Variants in RNF169 observed in about 807,000 individuals in gnomAD.
RNF169 encodes E3 ubiquitin-protein ligase RNF169.
RNF169 carries 24 observed loss-of-function variants against 53.9 expected under a neutral mutation model. The ratio of observed to expected loss-of-function variants is 0.45; its 90% CI spans 0.32 to 0.63. The LOEUF (loss-of-function observed/expected upper bound fraction) is 0.63. RNF169 is among the 20% of genes least tolerant of loss of function. RNF169 has a pLI of 0.04. For missense variants in RNF169, 883 were observed against 906.2 expected, an observed-to-expected ratio of 0.97 and a Z score of 0.33; for synonymous variants, 396 against 363.5, an observed-to-expected ratio of 1.09 and a Z score of -1.02.
intron 4 of RNF169, among the ~76,000 whole-genome samples, chr11:74,821,943 T>G (rs2036017380): frequency 6.6e-6 from 1 of 152,094 alleles, no homozygotes; most frequent in Non-Finnish European, 1.5e-5. Context: ...TAACAAAATA[T>G]TACCAACTTC....
At chr11:74,771,690 C>A (rs2035262883) in intron 1 of RNF169, among the ~76,000 whole-genome samples, 1 of 151,938 alleles carries the variant, frequency 6.6e-6, no homozygotes, top group Admixed American at 6.6e-5. Flanking sequence ...GGTGACAGGG[C>A]AAGACTTTGT....
At chr11:74,780,988 C>G (rs951410070) in intron 1 of RNF169, among the ~76,000 whole-genome samples, 2 of 152,254 alleles carry the variant, frequency 1.3e-5, no homozygotes, top group African/African-American at 4.8e-5. Flanking sequence ...TCTCCACCTA[C>G]TTCCCCGCTA....
At chr11:74,769,601 A>C (rs1486166419) in intron 1 of RNF169, among the ~76,000 whole-genome samples, 1 of 152,250 alleles carries the variant, frequency 6.6e-6, no homozygotes, top group Non-Finnish European at 1.5e-5. Context: ...GGGATAAATT[A>C]GTTTCTACAG....
rs532973948 is a variant in RNF169, at chr11:74,756,052, T to A, written c.502+6670T>A. On this transcript the variant is annotated intron_variant, in intron 1 of 5. Transcript: ENST00000299563. ...GTCGTTAGGGGACTGTTTTAGTAGTTCAGGCAAGCGACGAAGAGGGCCTGG... is the reference window on the plus strand; with the variant it reads ...GTCGTTAGGGGACTGTTTTAGTAGTACAGGCAAGCGACGAAGAGGGCCTGG... 5.9e-5 allele frequency among the ~76,000 whole-genome samples: 9 copies of A among 152,202 alleles called. No individual in the cohort carries two copies. The East Asian group carries it at 1.7e-3, about 29-fold the overall frequency.
In RNF169 at chr11:74,835,722, C is replaced by T. The variant is rs1376729181; in HGVS notation, c.1119C>T (p.Asp373=). 3 of 1,614,218 alleles carry T rather than the reference C, an allele frequency of 1.9e-6. No homozygotes were observed. The highest frequency in any genetic ancestry group is 1.7e-5 in the Admixed American group (1 of 60,028). ...GTTCTGTCAGCCCTGAGAGCAATGA[C>T]AGCATCTCCGAAGAACTAAACCATT... ...PERSVSPESN[D]SISEELNHFK... is the part of the protein sequence containing the mutation. Residue 373 remains aspartate (D), a synonymous_variant, in exon 6 of 6, where the codon GAC becomes GAT. Coordinates refer to ENST00000299563, the MANE Select transcript of RNF169 (RefSeq NM_001098638.2).
chr11:74,837,358 G>A lies in RNF169; in HGVS notation c.*628G>A, dbSNP rs1487693775. 2 of 152,270 alleles carry A rather than the reference G, an allele frequency of 1.3e-5. No homozygotes were observed. The highest frequency in any genetic ancestry group is 2.4e-5 in the African/African-American group (1 of 41,448). The allele number at this position is 152,270 out of a possible 1,614,324, so 9.4% of individuals were successfully genotyped here. ...TTAGTCTTTCCAAGAGACCTCTCAT[G>A]TAACTGGCATTAGCCCCATTTTTAG... On this transcript the variant is annotated 3_prime_UTR_variant, in exon 6 of 6. Coordinates refer to ENST00000299563, the MANE Select transcript of RNF169 (RefSeq NM_001098638.2).
intron 1 of RNF169, among the ~76,000 whole-genome samples, chr11:74,752,774 T>C (rs1371598556): frequency 6.6e-6 from 1 of 152,220 alleles, no homozygotes; most frequent in Non-Finnish European, 1.5e-5. Context: ...CACAGCAGTA[T>C]GTTGTATGGA....
In RNF169 at chr11:74,838,660, A is replaced by T. The variant is rs554661969; in HGVS notation, c.*1930A>T. ...GCAGATGTATGTTTTAAAAACATTT[A>T]CCAAACTCATGATTTTGTAGTCACA... On this transcript the variant is annotated 3_prime_UTR_variant, in exon 6 of 6. Coordinates refer to ENST00000299563, the MANE Select transcript of RNF169 (RefSeq NM_001098638.2). 6.6e-6 allele frequency: 1 copy of T among 152,308 alleles called. No individual in the cohort carries two copies. The allele number at this position is 152,308 out of a possible 1,614,324, so 9.4% of individuals were successfully genotyped here. A position where few individuals can be genotyped will look rare whatever the true frequency, so the allele number is the denominator to read the frequency against.
Position 74,838,206 on chromosome 11 carries a change from C to G in RNF169, c.*1476C>G, listed in dbSNP as rs983537991. On this transcript the variant is annotated 3_prime_UTR_variant, in exon 6 of 6. Coordinates refer to ENST00000299563, the MANE Select transcript of RNF169 (RefSeq NM_001098638.2). ...TCTATTCCAGCCTCCTCCTAAGGTC[C>G]TCCTCAGCTTCTAGACCTAGAAGCC... is the stretch of plus-strand genomic sequence containing the variant. 2 of 152,190 alleles carry G rather than the reference C, an allele frequency of 1.3e-5. No homozygotes were observed. The highest frequency in any genetic ancestry group is 6.5e-5 in the Admixed American group (1 of 15,276). 9.4% of individuals were successfully genotyped at this position (152,190 alleles called of 1,614,324 possible).
At chr11:74,813,972 G>C (rs907886948) in intron 3 of RNF169, among the ~76,000 whole-genome samples, 1 of 152,206 alleles carries the variant, frequency 6.6e-6, no homozygotes, top group East Asian at 1.9e-4. Flanking sequence ...TTACAGGCAT[G>C]AGCCACTGCG....
intron 1 of RNF169, among the ~76,000 whole-genome samples, chr11:74,785,894 G>GTAATATAT (rs2035493170): frequency 6.7e-6 from 1 of 149,472 alleles, no homozygotes; most frequent in African/African-American, 2.5e-5. Flanking sequence ...AACTTTTCAT[G>GTAATATAT]TAATATATGT....
At chr11:74,801,833 T>C (rs1311159696) in intron 2 of RNF169, among the ~76,000 whole-genome samples, 1 of 152,222 alleles carries the variant, frequency 6.6e-6, no homozygotes. Context: ...GTTAGATTTT[T>C]AAAAATACGT....
In RNF169 at chr11:74,835,863, G is replaced by A. The variant is rs776718377; in HGVS notation, c.1260G>A (p.Lys420=). ...TPRNLNRSLQ[K]QTSYEASPRI... ...GCAACCTAAACAGAAGCCTGCAGAA[G>A]CAGACTTCTTATGAGGCCAGTCCAC... is the stretch of plus-strand genomic sequence containing the variant. The change falls in exon 6 of 6, where the codon AAG becomes AAA. Residue 420 remains lysine (K), a synonymous_variant. Transcript: ENST00000299563. 3.1e-6 allele frequency: 5 copies of A among 1,614,186 alleles called. No homozygotes were observed. Among genetic ancestry groups the A allele is most frequent in the Non-Finnish European group, 3.4e-6 (4 of 1,180,032 alleles).
At chr11:74,787,420 CATAAAA>C (rs1203298558) in intron 1 of RNF169, among the ~76,000 whole-genome samples, 1 of 152,116 alleles carries the variant, frequency 6.6e-6, no homozygotes, top group Non-Finnish European at 1.5e-5. Context: ...CAATTTCACT[CATAAAA>C]TATAAGCATA....
At chr11:74,831,167 A>G (rs1023347832) in intron 4 of RNF169, 22 of 152,350 alleles carry the variant, frequency 1.4e-4, no homozygotes, top group African/African-American at 5.3e-4. Context: ...TGGGCAAGAA[A>G]AATAAAAGGC....
intron 1 of RNF169, among the ~76,000 whole-genome samples, chr11:74,777,032 T>G (rs1018675123): frequency 6.6e-6 from 1 of 152,140 alleles, no homozygotes; most frequent in African/African-American, 2.4e-5. Context: ...GGAAGCAATG[T>G]TAAAGATAGA....
intron 1 of RNF169, among the ~76,000 whole-genome samples, chr11:74,785,384 G>T (rs1250512291): frequency 1.4e-5 from 2 of 147,330 alleles, no homozygotes. Context: ...AAATACTCTC[G>T]CTTAATTGAC....
intron 2 of RNF169, 136 bp from the exon 3 acceptor site, chr11:74,810,048 G>A (rs1591420209): frequency 2.9e-6 from 2 of 698,084 alleles, no homozygotes; most frequent in East Asian, 2.7e-5. Flanking sequence ...GAAATCAAGA[G>A]GGCTCTATAG....
chr11:74,794,490 A>G (rs1167152575), intron 2 of RNF169, among the ~76,000 whole-genome samples: 1 of 152,226 alleles, frequency 6.6e-6, no homozygotes, highest in Non-Finnish European at 1.5e-5. Flanking sequence ...TAAAGCTGGA[A>G]AGCTAGGAAG....
Sources: allele counts gnomAD v4.1 joint callset (sites outside exome capture counted in the v4.1 genomes callset), GRCh38; gene constraint gnomAD v4.1.1; transcripts MANE v1.5; gene names NCBI Gene and HGNC (gene_info 2026-07-23, HGNC 2026-07-21).